The following VAC14 variants were observed in gnomAD, a reference collection of about 807,000 sequenced individuals.
VAC14 encodes the protein protein VAC14 homolog.
VAC14 carries 47 observed loss-of-function variants against 85.3 expected under a neutral mutation model. The observed-to-expected ratio is 0.55, with a 90% CI of 0.44 to 0.70. The LOEUF (loss-of-function observed/expected upper bound fraction) is 0.70, where lower values mean the gene tolerates loss of function less well. Among genes scored for constraint, VAC14 ranks in the 30% least tolerant of loss-of-function variants. The pLI is 0.00. For synonymous variants in VAC14, 447 were observed against 430.5 expected, an observed-to-expected ratio of 1.04 and a Z score of -0.47; for missense variants, 861 against 1,004.3, an observed-to-expected ratio of 0.86 and a Z score of 1.93.
chr16:70,780,357 T>G (rs2033749552), intron 9 of VAC14, among the ~76,000 whole-genome samples: 1 of 152,232 alleles, frequency 6.6e-6, no homozygotes, highest in East Asian at 1.9e-4. Context: ...CCAGGCTTCT[T>G]GGTGGCTGGA....
At chr16:70,753,042 G>A (rs2031526438) in intron 12 of VAC14, among the ~76,000 whole-genome samples, 1 of 151,940 alleles carries the variant, frequency 6.6e-6, no homozygotes, top group South Asian at 2.1e-4. Context: ...GTGTGTGTGT[G>A]TGTGTCAGAC....
chr16:70,736,849 C>A (rs2054769529), intron 13 of VAC14, among the ~76,000 whole-genome samples: 1 of 150,340 alleles, frequency 6.7e-6, no homozygotes, highest in Non-Finnish European at 1.5e-5. Context: ...TTGAGCAGGG[C>A]AGTCTTTTCC....
chr16:70,775,802 G>A (rs1482158461), intron 9 of VAC14, among the ~76,000 whole-genome samples: 2 of 152,166 alleles, frequency 1.3e-5, no homozygotes, highest in Non-Finnish European at 2.9e-5. Flanking sequence ...ATCAGAAATT[G>A]GCCTCAAATT....
At chr16:70,794,234 G>C (rs962702342) in intron 1 of VAC14, among the ~76,000 whole-genome samples, 2 of 152,148 alleles carry the variant, frequency 1.3e-5, no homozygotes, top group Admixed American at 1.3e-4. Context: ...ACCGTCAATT[G>C]TAGAACATTT....
At chr16:70,780,675 G>A (rs2033765884) in intron 9 of VAC14, 115 bp downstream of exon 9, 36 of 1,315,106 alleles carry the variant, frequency 2.7e-5, no homozygotes, top group Middle Eastern at 2.6e-4. Context: ...AATTGTGTGA[G>A]TGACATACAT....
At chr16:70,745,481 C>CTG (rs2030778579) in intron 12 of VAC14, among the ~76,000 whole-genome samples, 1 of 104,254 alleles carries the variant, frequency 9.6e-6, no homozygotes, top group Non-Finnish European at 2.2e-5. Context: ...GGAGGGGCTT[C>CTG]AGTGTGTGTG....
intron 18 of VAC14, chr16:70,688,552 G>C (rs573930632): frequency 1.0e-6 from 1 of 986,028 alleles, no homozygotes. Context: ...AGCCTCTGCC[G>C]GGCCCTCCAC....
chr16:70,703,399 T>C, intron 14 of VAC14, among the ~76,000 whole-genome samples: 1 of 150,668 alleles, frequency 6.6e-6, no homozygotes, highest in East Asian at 1.9e-4. Context: ...AGACCCACCA[T>C]GGGGCTGGAG....
At chr16:70,688,473 G>A (rs1220834798) in intron 18 of VAC14, 39 of 993,690 alleles carry the variant, frequency 3.9e-5, no homozygotes, top group Non-Finnish European at 4.5e-5. Flanking sequence ...GGGGAGAAGG[G>A]GGAGGTGGCA....
At chr16:70,718,562 A>AGACTC (rs1434543652) in intron 14 of VAC14, among the ~76,000 whole-genome samples, 4 of 150,074 alleles carry the variant, frequency 2.7e-5, no homozygotes, top group East Asian at 2.0e-4. Context: ...TGACAGAATG[A>AGACTC]GACTCCTTTT....
At chr16:70,786,171 C>G (rs2034046060) in intron 2 of VAC14, 44 bp downstream of exon 2, 1 of 1,600,132 alleles carries the variant, frequency 6.2e-7, no homozygotes, top group African/African-American at 1.3e-5. Flanking sequence ...TGGTCAGCGT[C>G]AAGGCCAGGA....
intron 9 of VAC14, chr16:70,778,649 A>G (rs1006451194): frequency 1.3e-5 from 2 of 152,064 alleles, no homozygotes; most frequent in Admixed American, 6.5e-5. Context: ...CTGTTACTCT[A>G]TTTTCTGACT....
At chr16:70,756,953 C>T (rs1021519209) in intron 12 of VAC14, among the ~76,000 whole-genome samples, 8 of 152,164 alleles carry the variant, frequency 5.3e-5, no homozygotes, top group African/African-American at 1.2e-4. Context: ...ATACTGTCCT[C>T]GGAATCCTAC....
chr16:70,689,379 G>A (rs571442134), intron 18 of VAC14: 2 of 985,344 alleles, frequency 2.0e-6, no homozygotes, highest in African/African-American at 3.5e-5. Flanking sequence ...GGCCATTTTG[G>A]GGGAGACAAA....
At chr16:70,751,302 A>G (rs2031367481) in intron 12 of VAC14, among the ~76,000 whole-genome samples, 1 of 152,200 alleles carries the variant, frequency 6.6e-6, no homozygotes, top group African/African-American at 2.4e-5. Context: ...GAATGTTTCC[A>G]ACGGACACAC....
chr16:70,746,920 T>C (rs1195366423), intron 12 of VAC14: 1 of 150,644 alleles, frequency 6.6e-6, no homozygotes, highest in South Asian at 2.1e-4. Flanking sequence ...GAGGCAAGAG[T>C]CAAGCCAACA....
chr16:70,735,903 T>C (rs1597906833), intron 13 of VAC14, among the ~76,000 whole-genome samples: 1 of 152,258 alleles, frequency 6.6e-6, no homozygotes, highest in African/African-American at 2.4e-5. Context: ...CACATTCTTA[T>C]AGATCGAGTT....
chr16:70,737,685 T>C lies in VAC14; in HGVS notation c.1529-6058A>G, dbSNP rs147660830. ...GGGGAGCCAGCCCTGCAGATGTTAC[T>C]AAGTGAAACCTGATGTGGTGACATG... is the stretch of plus-strand genomic sequence containing the variant. On this transcript the variant is annotated intron_variant, in intron 13 of 18. Coordinates refer to ENST00000261776, the MANE Select transcript of VAC14 (RefSeq NM_018052.5). Among the ~76,000 whole-genome samples the C allele has an allele frequency of 3.7e-3, 562 of 152,282 alleles. 2 individuals are homozygous for C. The highest frequency in any genetic ancestry group is 0.014 in the South Asian group (70 of 4,830).
At chr16:70,748,346 A>G (rs1312745733) in intron 12 of VAC14, among the ~76,000 whole-genome samples, 1 of 152,112 alleles carries the variant, frequency 6.6e-6, no homozygotes, top group Non-Finnish European at 1.5e-5. Context: ...GGACTCCCGG[A>G]GGAGTCAGGT....
Sources: gnomAD v4.1 joint callset for allele counts (sites outside exome capture counted in the v4.1 genomes callset) on GRCh38, gnomAD v4.1.1 for gene constraint, MANE v1.5 for transcripts, NCBI Gene and HGNC (gene_info 2026-07-23, HGNC 2026-07-21) for gene names.